The following CUL5 variants were observed in gnomAD, a reference collection of about 807,000 sequenced individuals.
CUL5 encodes cullin-5.
Under a neutral mutation model 108.8 loss-of-function variants are expected in CUL5, and 26 were observed. The observed-to-expected ratio is 0.24, with a 90% CI of 0.18 to 0.33. The LOEUF is 0.33. Ranked by LOEUF, CUL5 falls within the 10% of genes least tolerant of loss-of-function variation. The pLI is 1.00. For synonymous variants in CUL5, 334 were observed against 298.0 expected (o/e 1.12, Z -1.25); for missense variants, 524 against 909.2 (o/e 0.58, Z 5.45).
chr11:108,061,055 T>G (rs1226917682), intron 7 of CUL5, among the ~76,000 whole-genome samples: 3 of 152,138 alleles, frequency 2.0e-5, no homozygotes, highest in African/African-American at 7.2e-5. Context: ...TGGGGAGAGA[T>G]TGCTATGGAT....
intron 1 of CUL5, among the ~76,000 whole-genome samples, chr11:108,031,546 A>C (rs1382499950): frequency 1.3e-5 from 2 of 152,338 alleles, no homozygotes; most frequent in African/African-American, 4.8e-5. Context: ...TTTATTGAAC[A>C]GGGAGTCCTT....
intron 6 of CUL5, 41 bp downstream of exon 6, chr11:108,054,833 C>A (rs774137907): frequency 6.2e-7 from 1 of 1,600,130 alleles, no homozygotes; most frequent in South Asian, 1.1e-5. Flanking sequence ...TGAGCAATTC[C>A]CTTGATATTC....
intron 1 of CUL5, among the ~76,000 whole-genome samples, chr11:108,023,873 A>C (rs1862389329): frequency 6.6e-6 from 1 of 152,082 alleles, no homozygotes; most frequent in South Asian, 2.1e-4. Context: ...TGTGGTATGA[A>C]ATTTTTTATT....
At chr11:108,068,076 C>G (rs1374301323) in intron 7 of CUL5, among the ~76,000 whole-genome samples, 1 of 151,910 alleles carries the variant, frequency 6.6e-6, no homozygotes. Context: ...TTACAGGCAC[C>G]CACCATGCCC....
At chr11:108,092,146 A>G (rs1404539199) in intron 13 of CUL5, among the ~76,000 whole-genome samples, 1 of 152,182 alleles carries the variant, frequency 6.6e-6, no homozygotes, top group Non-Finnish European at 1.5e-5. Flanking sequence ...CAAAAACAAA[A>G]AAAACACAAA....
intron 11 of CUL5, among the ~76,000 whole-genome samples, chr11:108,088,317 A>G (rs1864271858): frequency 1.3e-5 from 2 of 152,210 alleles, no homozygotes; most frequent in South Asian, 2.1e-4. Context: ...TACTCTCAGG[A>G]TTCTGCAAGT....
chr11:108,049,545 GT>G (rs1000516937), intron 3 of CUL5, among the ~76,000 whole-genome samples: 1 of 151,706 alleles, frequency 6.6e-6, no homozygotes, highest in African/African-American at 2.4e-5. Context: ...GTCTTGCTAT[GT>G]TGCCCAGGTT....
intron 2 of CUL5, 48 bp downstream of exon 2, chr11:108,033,959 G>T (rs769462644): frequency 1.8e-6 from 2 of 1,139,132 alleles, no homozygotes; most frequent in Non-Finnish European, 2.6e-6. Flanking sequence ...AAATTTTAGT[G>T]ATGTCTTTCC....
At chr11:108,089,760 C>A in intron 13 of CUL5, 137 bp downstream of exon 13, 1 of 507,060 alleles carries the variant, frequency 2.0e-6, no homozygotes, top group Non-Finnish European at 3.2e-6. Context: ...GTCAGTTAGG[C>A]CGGGCGCACT....
intron 12 of CUL5, 72 bp downstream of exon 12, chr11:108,088,731 T>G (rs1864282672): frequency 2.6e-6 from 3 of 1,147,500 alleles, no homozygotes; most frequent in Non-Finnish European, 3.6e-6. Flanking sequence ...TATAGGACTT[T>G]CTGTGATAGT....
chr11:108,018,972 C>T (rs1345990461), intron 1 of CUL5, among the ~76,000 whole-genome samples: 2 of 152,012 alleles, frequency 1.3e-5, no homozygotes, highest in African/African-American at 4.8e-5. Context: ...TCAAAAAAAC[C>T]TCAGAAAAAA....
rs535406670 is a variant in CUL5, at chr11:108,035,248, A to G, written c.134+1337A>G. 2.0e-5 allele frequency among the ~76,000 whole-genome samples: 3 copies of G among 152,224 alleles called. No individual in the cohort carries two copies. The South Asian group carries it at 6.2e-4, about 31-fold the overall frequency. On this transcript the variant is annotated intron_variant, in intron 2 of 18. Coordinates refer to ENST00000393094, the MANE Select transcript of CUL5 (RefSeq NM_003478.6). The stretch of plus-strand genomic sequence containing the variant: ...CCCCCTCCCAACTACAGCTTTTGGT[A>G]GGAACCACCAGTTGGGAATACTGTT...
intron 1 of CUL5, among the ~76,000 whole-genome samples, chr11:108,027,884 CT>C (rs1862490199): frequency 6.6e-6 from 1 of 152,178 alleles, no homozygotes; most frequent in Admixed American, 6.5e-5. Flanking sequence ...TTCTGACACA[CT>C]TTATTTACTT....
chr11:108,027,176 C>G (rs932013389), intron 1 of CUL5, among the ~76,000 whole-genome samples: 1 of 151,498 alleles, frequency 6.6e-6, no homozygotes, highest in African/African-American at 2.4e-5. Flanking sequence ...CTGTCGCTGT[C>G]GCCTAGGCTG....
intron 2 of CUL5, among the ~76,000 whole-genome samples, chr11:108,040,099 C>A (rs1862856174): frequency 6.6e-6 from 1 of 152,220 alleles, no homozygotes; most frequent in Non-Finnish European, 1.5e-5. Context: ...TGAGAAGCTT[C>A]TATTTCCTCC....
intron 7 of CUL5, among the ~76,000 whole-genome samples, chr11:108,066,454 C>A (rs1188758495): frequency 1.3e-5 from 2 of 152,124 alleles, no homozygotes; most frequent in Non-Finnish European, 2.9e-5. Context: ...AGTCACTCTA[C>A]TCCAATAAGA....
intron 13 of CUL5, among the ~76,000 whole-genome samples, chr11:108,089,860 C>T (rs940272201): frequency 2.6e-5 from 4 of 150,972 alleles, no homozygotes; most frequent in Admixed American, 6.6e-5. Flanking sequence ...ACCAACATGG[C>T]AAAACCGCGT....
At position 108,107,599 on chromosome 11, in the gene CUL5, A is replaced by T. The variant is rs1435048156; in HGVS notation, c.*3215A>T. 1.3e-5 allele frequency: 2 copies of T among 152,652 alleles called. No individual in the cohort carries two copies. The highest frequency in any genetic ancestry group is 2.9e-5 in the Non-Finnish European group (2 of 68,044). The allele number at this position is 152,652 out of a possible 1,614,324, so 9.5% of individuals were successfully genotyped here. A position where few individuals can be genotyped will look rare whatever the true frequency, so the allele number is the denominator to read the frequency against. On this transcript the variant is annotated 3_prime_UTR_variant, in exon 19 of 19. Coordinates refer to ENST00000393094, the MANE Select transcript of CUL5 (RefSeq NM_003478.6). ...CCTCATATGGTCTATACGATTTTGA[A>T]TGTGTGCCACTACATACTGAGATGA...
chr11:108,043,381 T>C (rs1862984051), intron 2 of CUL5, among the ~76,000 whole-genome samples: 1 of 152,152 alleles, frequency 6.6e-6, no homozygotes, highest in Non-Finnish European at 1.5e-5. Context: ...GCCCAGTCTC[T>C]TCTTTTAGAC....
Sources: allele counts gnomAD v4.1 joint callset (sites outside exome capture counted in the v4.1 genomes callset), GRCh38; gene constraint gnomAD v4.1.1; transcripts MANE v1.5; gene names NCBI Gene and HGNC (gene_info 2026-07-23, HGNC 2026-07-21).